Variants in FER observed in about 807,000 individuals in gnomAD.
The protein encoded by FER is tyrosine-protein kinase Fer.
In FER, 63 loss-of-function variants were observed where a neutral mutation model predicts 111.0. The observed-to-expected ratio is 0.57, with a 90% CI of 0.46 to 0.70. FER has a LOEUF of 0.70. Ranked by LOEUF, FER falls within the 30% of genes least tolerant of loss-of-function variation. FER has a pLI of 0.00. For synonymous variants in FER, 327 were observed against 313.9 expected (o/e 1.04, Z -0.44); for missense variants, 914 against 954.0 (o/e 0.96, Z 0.55).
In FER at chr5:109,155,893, G is replaced by A. The variant is rs752591039; in HGVS notation, c.2049-24854G>A. On this transcript the variant is annotated intron_variant, in intron 17 of 19. Transcript: ENST00000281092. Reference sequence around the variant, plus strand: ...ATCAGGGTTTCACTAAGGTTTTTGAGAAAGTTTCTCATGATATCTCTTGAG... The same window carrying A: ...ATCAGGGTTTCACTAAGGTTTTTGAAAAAGTTTCTCATGATATCTCTTGAG... 3.2e-4 allele frequency among the ~76,000 whole-genome samples: 48 copies of A among 152,102 alleles called. 1 individual carries two copies. The highest frequency in any genetic ancestry group is 5.2e-4 in the Admixed American group (8 of 15,252).
intron 1 of FER, among the ~76,000 whole-genome samples, chr5:108,763,729 C>G (rs755138480): frequency 6.6e-6 from 1 of 152,162 alleles, no homozygotes; most frequent in Non-Finnish European, 1.5e-5. Context: ...ACATTTTGGT[C>G]AGAAGATTCT....
intron 13 of FER, among the ~76,000 whole-genome samples, chr5:109,022,406 C>CT (rs530684095): frequency 6.2e-4 from 95 of 152,214 alleles, no homozygotes; most frequent in African/African-American, 2.2e-3. Context: ...GACAAGTAGG[C>CT]TTGCAGTACA....
chr5:109,064,286 A>T (rs529157666), intron 16 of FER, among the ~76,000 whole-genome samples: 152 of 152,084 alleles, frequency 1.0e-3, no homozygotes, highest in Middle Eastern at 6.8e-3. Context: ...TTTTTTCCTA[A>T]TGTTTTTTAG....
In FER at chr5:108,997,540, G is replaced by T. The variant is rs182079824; in HGVS notation, c.1656+38193G>T. Among the ~76,000 whole-genome samples the T allele has an allele frequency of 4.9e-3, 747 of 151,720 alleles. 3 individuals carry two copies. Among genetic ancestry groups the T allele is most frequent in the African/African-American group, 0.017 (706 of 41,362 alleles). On this transcript the variant is annotated intron_variant, in intron 13 of 19. Coordinates refer to ENST00000281092, the MANE Select transcript of FER (RefSeq NM_005246.4). Reference sequence around the variant, plus strand: ...TCCTAATTGAATACCCTTTATTTCTGTCTCTTGCCTGATTGCCCTGGCCAG... The same window carrying T: ...TCCTAATTGAATACCCTTTATTTCTTTCTCTTGCCTGATTGCCCTGGCCAG...
At chr5:108,847,244 TA>T (rs1421499905) in intron 5 of FER, among the ~76,000 whole-genome samples, 3 of 151,772 alleles carry the variant, frequency 2.0e-5, no homozygotes, top group Non-Finnish European at 4.4e-5. Context: ...CCTTTTTGAT[TA>T]TTTTTTTGTG....
intron 17 of FER, among the ~76,000 whole-genome samples, chr5:109,110,355 G>T (rs1206792342): frequency 2.6e-5 from 4 of 152,064 alleles, no homozygotes; most frequent in Non-Finnish European, 4.4e-5. Flanking sequence ...GGTGTTAAGA[G>T]AAGACCCAAA....
intron 13 of FER, among the ~76,000 whole-genome samples, chr5:108,966,451 G>A (rs937647569): frequency 1.4e-5 from 2 of 142,416 alleles, no homozygotes; most frequent in African/African-American, 2.6e-5. Context: ...GCAGTGGCAT[G>A]ATCTCAGCTC....
intron 6 of FER, among the ~76,000 whole-genome samples, chr5:108,870,630 T>C (rs1163557509): frequency 7.0e-6 from 1 of 143,510 alleles, no homozygotes; most frequent in Non-Finnish European, 1.5e-5. Context: ...TATTAGTTTT[T>C]TATAAGTAAT....
chr5:108,902,230 A>G (rs1448765555), intron 10 of FER, among the ~76,000 whole-genome samples: 1 of 152,204 alleles, frequency 6.6e-6, no homozygotes, highest in Non-Finnish European at 1.5e-5. Flanking sequence ...TTTAGAGATG[A>G]TATCTTTGAG....
intron 10 of FER, among the ~76,000 whole-genome samples, chr5:108,899,825 A>T (rs57885979): frequency 0.25 from 37,175 of 151,360 alleles, 4,996 homozygotes; most frequent in African/African-American, 0.35. Flanking sequence ...AAAAATTCTG[A>T]TCATCTGGAG....
chr5:108,799,401 G>A (rs1388612402), intron 3 of FER, among the ~76,000 whole-genome samples: 1 of 152,114 alleles, frequency 6.6e-6, no homozygotes. Flanking sequence ...AATTTTAGAG[G>A]AAAACTCTGT....
intron 13 of FER, among the ~76,000 whole-genome samples, chr5:109,000,869 T>C (rs1157727797): frequency 3.9e-5 from 6 of 152,094 alleles, no homozygotes; most frequent in Non-Finnish European, 1.5e-5. Flanking sequence ...TAGAATACTA[T>C]AAACACCTCT....
intron 14 of FER, among the ~76,000 whole-genome samples, chr5:109,038,477 T>A (rs1770702455): frequency 6.6e-6 from 1 of 151,936 alleles, no homozygotes; most frequent in African/African-American, 2.4e-5. Context: ...AGAAAGTAAA[T>A]CTCTGTTGAA....
At chr5:108,931,317 A>G (rs1471812754) in intron 10 of FER, among the ~76,000 whole-genome samples, 2 of 151,882 alleles carry the variant, frequency 1.3e-5, no homozygotes, top group African/African-American at 4.8e-5. Flanking sequence ...TGTTTTTTCC[A>G]TGTATTTTTT....
At chr5:109,128,374 T>C (rs1453316722) in intron 17 of FER, among the ~76,000 whole-genome samples, 2 of 152,136 alleles carry the variant, frequency 1.3e-5, no homozygotes, top group South Asian at 2.1e-4. Flanking sequence ...CAATTGTAAG[T>C]TTTGGGAACC....
chr5:108,947,594 T>C (rs1456341792), intron 11 of FER, among the ~76,000 whole-genome samples: 2 of 151,988 alleles, frequency 1.3e-5, no homozygotes, highest in Non-Finnish European at 2.9e-5. Flanking sequence ...AAACTCCTTA[T>C]ACATATAATC....
At chr5:108,945,348 G>GT (rs143079603) in intron 10 of FER, among the ~76,000 whole-genome samples, 15,302 of 151,246 alleles carry the variant, frequency 0.1, 980 homozygotes, top group Middle Eastern at 0.16. Flanking sequence ...CCTAGTTTTG[G>GT]TTTTTTTTCC....
At chr5:109,074,282 A>G (rs750618981) in intron 16 of FER, among the ~76,000 whole-genome samples, 4 of 152,232 alleles carry the variant, frequency 2.6e-5, no homozygotes, top group Non-Finnish European at 5.9e-5. Flanking sequence ...TTCAGTTGCT[A>G]CTTGTCAGGA....
At chr5:109,091,703 T>C (rs756236083) in intron 16 of FER, among the ~76,000 whole-genome samples, 1 of 151,966 alleles carries the variant, frequency 6.6e-6, no homozygotes, top group African/African-American at 2.4e-5. Flanking sequence ...CTACCCAAGG[T>C]CTTTGGGGCA....
Sources: gnomAD v4.1 joint callset for allele counts (sites outside exome capture counted in the v4.1 genomes callset) on GRCh38, gnomAD v4.1.1 for gene constraint, MANE v1.5 for transcripts, NCBI Gene and HGNC (gene_info 2026-07-23, HGNC 2026-07-21) for gene names.